PCCA: variants seen among roughly 807,000 people sequenced by gnomAD.
PCCA encodes the protein propionyl-CoA carboxylase alpha chain, mitochondrial.
A neutral mutation model predicts 101.3 loss-of-function variants in PCCA; 74 were observed. The observed-to-expected ratio is 0.73, with a 90% CI of 0.61 to 0.89. The LOEUF is 0.89. Ranked by LOEUF, PCCA falls within the 40% of genes least tolerant of loss-of-function variation. The pLI, the probability that PCCA is intolerant of heterozygous loss-of-function variation, is 0.00. For missense variants in PCCA, 891 were observed against 907.0 expected, an observed-to-expected ratio of 0.98 and a Z score of 0.23; for synonymous variants, 294 against 313.6, an observed-to-expected ratio of 0.94 and a Z score of 0.66.
chr13:100,100,199 G>C (rs1227563373), intron 1 of PCCA, among the ~76,000 whole-genome samples: 2 of 152,220 alleles, frequency 1.3e-5, no homozygotes, highest in Non-Finnish European at 2.9e-5. Context: ...ACTCACAGCT[G>C]AGAGTTGACC....
At chr13:100,457,710 GT>G (rs1318304610) in intron 21 of PCCA, among the ~76,000 whole-genome samples, 1 of 152,200 alleles carries the variant, frequency 6.6e-6, no homozygotes, top group African/African-American at 2.4e-5. Context: ...TGAAAAGGTA[GT>G]TCAGAGCAAA....
At chr13:100,283,422 A>G (rs562266978) in intron 12 of PCCA, among the ~76,000 whole-genome samples, 1 of 152,300 alleles carries the variant, frequency 6.6e-6, no homozygotes, top group South Asian at 2.1e-4. Flanking sequence ...CCCATGAATT[A>G]TTCAATGATG....
chr13:100,253,338 T>C (rs1236845534), intron 8 of PCCA, among the ~76,000 whole-genome samples: 2 of 152,188 alleles, frequency 1.3e-5, no homozygotes, highest in African/African-American at 2.4e-5. Context: ...GTCTGCTAGA[T>C]AGCAGGGAGT....
chr13:100,348,910 CTTTCT>C (rs201677268), intron 18 of PCCA, among the ~76,000 whole-genome samples: 25 of 51,540 alleles, frequency 4.9e-4, no homozygotes, highest in African/African-American at 1.2e-3. Context: ...TCCTTCCTTC[CTTTCT>C]TTTCTTTTCT....
chr13:100,201,857 CAAAAAAAAAAAAAAA>C (rs55669622), intron 6 of PCCA, among the ~76,000 whole-genome samples: 14 of 60,744 alleles, frequency 2.3e-4, no homozygotes, highest in Admixed American at 1.1e-3. Flanking sequence ...AACTGCGTCT[CAAAAAAAAAAAAAAA>C]AAAAAAAAAA....
chr13:100,414,141 A>G (rs2078215102), intron 19 of PCCA, among the ~76,000 whole-genome samples: 1 of 152,204 alleles, frequency 6.6e-6, no homozygotes, highest in Admixed American at 6.5e-5. Context: ...TAACACATGG[A>G]TATTTAATAT....
At chr13:100,405,060 C>T (rs2077590569) in intron 19 of PCCA, among the ~76,000 whole-genome samples, 2 of 152,152 alleles carry the variant, frequency 1.3e-5, no homozygotes, top group African/African-American at 4.8e-5. Context: ...TAAGGTGAAA[C>T]TGTGGAACTG....
At chr13:100,480,133 T>C (rs2083771144) in intron 21 of PCCA, 1 of 132,302 alleles carries the variant, frequency 7.6e-6, no homozygotes. Flanking sequence ...ATTTGACTTT[T>C]GAACCAGACT....
chr13:100,456,753 A>G (rs1404225614), intron 21 of PCCA, among the ~76,000 whole-genome samples: 1 of 152,212 alleles, frequency 6.6e-6, no homozygotes, highest in Admixed American at 6.5e-5. Flanking sequence ...ACCGCTATCT[A>G]CTACGAGCTT....
In PCCA at chr13:100,422,063, T is replaced by A. The variant is rs576920685; in HGVS notation, c.1747-3570T>A. ...TTTTCTTTCTTTTCCTTTTCTCTTCTCTTTTCTTTTCTTTCTTTCTTTCTT... is the reference window on the plus strand; with the variant it reads ...TTTTCTTTCTTTTCCTTTTCTCTTCACTTTTCTTTTCTTTCTTTCTTTCTT... On this transcript the variant is annotated intron_variant, in intron 19 of 23. Coordinates refer to ENST00000376285, the MANE Select transcript of PCCA (RefSeq NM_000282.4). Among the ~76,000 whole-genome samples, 10 of 34,816 alleles carry A rather than the reference T, an allele frequency of 2.9e-4. No individual in the cohort carries two copies. In the East Asian group the frequency reaches 7.6e-3, roughly 26 times the overall value. The allele number at this position is 34,816 out of a possible 152,430, so 22.8% of individuals were successfully genotyped here.
chr13:100,110,067 A>G (rs1431369355), intron 2 of PCCA, among the ~76,000 whole-genome samples: 1 of 152,186 alleles, frequency 6.6e-6, no homozygotes, highest in African/African-American at 2.4e-5. Flanking sequence ...TGGGAGACGG[A>G]GGTTACTGTG....
chr13:100,488,257 C>G (rs1034043139), intron 21 of PCCA, among the ~76,000 whole-genome samples: 1 of 152,082 alleles, frequency 6.6e-6, no homozygotes, highest in Non-Finnish European at 1.5e-5. Flanking sequence ...CCATGCACGG[C>G]TAATTTTGCA....
intron 21 of PCCA, among the ~76,000 whole-genome samples, chr13:100,484,357 A>G (rs949127562): frequency 2.0e-5 from 3 of 152,158 alleles, no homozygotes; most frequent in Admixed American, 1.3e-4. Flanking sequence ...TCTTGAGGAA[A>G]ATGCTTAGAT....
intron 19 of PCCA, among the ~76,000 whole-genome samples, chr13:100,371,765 G>A (rs2075587211): frequency 6.6e-6 from 1 of 152,072 alleles, no homozygotes; most frequent in African/African-American, 2.4e-5. Context: ...AAAGTTGAAA[G>A]CCTTATACCT....
chr13:100,290,177 G>C (rs113049813), intron 12 of PCCA, among the ~76,000 whole-genome samples: 1 of 152,124 alleles, frequency 6.6e-6, no homozygotes, highest in African/African-American at 2.4e-5. Context: ...TAGTCTTGCT[G>C]TCTGAAAGTT....
intron 1 of PCCA, among the ~76,000 whole-genome samples, chr13:100,095,628 G>A (rs73568997): frequency 0.035 from 5,398 of 152,236 alleles, 311 homozygotes; most frequent in African/African-American, 0.12. Flanking sequence ...ACTATATGGG[G>A]GCCTAGCATT....
intron 2 of PCCA, among the ~76,000 whole-genome samples, chr13:100,111,046 T>C (rs1291443348): frequency 6.6e-6 from 1 of 151,044 alleles, no homozygotes; most frequent in African/African-American, 2.4e-5. Flanking sequence ...GGAGACTCGC[T>C]TTGTCACCAG....
chr13:100,468,939 C>T (rs762952113), intron 21 of PCCA, among the ~76,000 whole-genome samples: 5 of 152,104 alleles, frequency 3.3e-5, no homozygotes, highest in Middle Eastern at 3.4e-3. Flanking sequence ...TGACTGGGCG[C>T]GGTGGTTCAT....
At chr13:100,191,094 A>G (rs1566671367) in intron 6 of PCCA, among the ~76,000 whole-genome samples, 2 of 152,206 alleles carry the variant, frequency 1.3e-5, no homozygotes, top group Admixed American at 6.5e-5. Context: ...CCTGCTTCCA[A>G]TAAAACAAAA....
Sources: allele counts gnomAD v4.1 joint callset (sites outside exome capture counted in the v4.1 genomes callset), GRCh38; gene constraint gnomAD v4.1.1; transcripts MANE v1.5; gene names NCBI Gene and HGNC (gene_info 2026-07-23, HGNC 2026-07-21).